Variants in CACNA1E observed in about 807,000 individuals in gnomAD.
CACNA1E encodes calcium voltage-gated channel subunit alpha1 E, also known as voltage-dependent R-type calcium channel subunit alpha-1E.
CACNA1E carries 40 observed loss-of-function variants against 259.2 expected under a neutral mutation model. The observed-to-expected ratio is 0.15, with a 90% CI of 0.12 to 0.20. The LOEUF is 0.20. Among genes scored for constraint, CACNA1E ranks in the 10% least tolerant of loss-of-function variants. The pLI is 1.00. For synonymous variants in CACNA1E, 1,104 were observed against 1,138.5 expected (o/e 0.97, Z 0.61); for missense variants, 1,874 against 3,040.1 (o/e 0.62, Z 9.02).
At chr1:181,329,433 G>T (rs901809767) in intron 1 of CACNA1E, among the ~76,000 whole-genome samples, 12 of 151,990 alleles carry the variant, frequency 7.9e-5, no homozygotes, top group Admixed American at 7.2e-4. Flanking sequence ...TCTGTGCCCT[G>T]CATGCTCCAG....
chr1:181,529,552 T>C (rs1156660603), intron 3 of CACNA1E, among the ~76,000 whole-genome samples: 3 of 152,152 alleles, frequency 2.0e-5, no homozygotes, highest in African/African-American at 4.8e-5. Context: ...CACCAGCCCA[T>C]GAAAGCAGCC....
intron 3 of CACNA1E, among the ~76,000 whole-genome samples, chr1:181,518,882 T>C (rs1051223753): frequency 5.3e-5 from 8 of 152,216 alleles, no homozygotes; most frequent in African/African-American, 1.7e-4. Flanking sequence ...TTGGCTTTGA[T>C]ATCACCAAAG....
At chr1:181,571,538 G>A (rs980295936) in intron 3 of CACNA1E, among the ~76,000 whole-genome samples, 12 of 152,180 alleles carry the variant, frequency 7.9e-5, no homozygotes, top group African/African-American at 2.9e-4. Flanking sequence ...GCTTTTGAAT[G>A]GACACAGCAA....
intron 2 of CACNA1E, among the ~76,000 whole-genome samples, chr1:181,420,601 A>G (rs1444937291): frequency 1.3e-5 from 2 of 152,242 alleles, no homozygotes; most frequent in African/African-American, 4.8e-5. Context: ...AGGTGGTACT[A>G]GGTCAAAAAC....
chr1:181,793,520 AC>A (rs1661511580), intron 44 of CACNA1E, 144 bp from the exon 45 acceptor site: 1 of 805,628 alleles, frequency 1.2e-6, no homozygotes, highest in Non-Finnish European at 1.9e-6. Flanking sequence ...ATAAACACAC[AC>A]ACACATATAC....
At chr1:181,600,912 G>C (rs1653676288) in intron 6 of CACNA1E, among the ~76,000 whole-genome samples, 1 of 152,116 alleles carries the variant, frequency 6.6e-6, no homozygotes, top group Non-Finnish European at 1.5e-5. Context: ...CAGAGAAGAG[G>C]ACCAACGACT....
At chr1:181,375,735 T>G (rs1175967128) in intron 1 of CACNA1E, among the ~76,000 whole-genome samples, 2 of 152,152 alleles carry the variant, frequency 1.3e-5, no homozygotes, top group East Asian at 3.9e-4. Flanking sequence ...GGAGCCCCCC[T>G]TCCCCTCCTC....
Position 181,580,740 on chromosome 1 carries a change from C to T in CACNA1E, c.915C>T (p.Cys305=). 6.2e-7 allele frequency: 1 copy of T among 1,614,006 alleles called. No homozygotes were observed. The highest frequency in any genetic ancestry group is 2.2e-5 in the East Asian group (1 of 44,886). The stretch of plus-strand genomic sequence containing the variant: ...TTGCTGTGCTGACTGTCTTCCAGTG[C>T]ATCACCATGGAAGGGTGGACCACTG... The part of the protein sequence containing the change: ...ILFAVLTVFQ[C]ITMEGWTTVL... Residue 305 remains cysteine, a synonymous_variant, in exon 6 of 48, where the codon TGC becomes TGT. Transcript: ENST00000367573.
intron 47 of CACNA1E, among the ~76,000 whole-genome samples, 170 bp downstream of exon 47, chr1:181,797,028 G>A (rs534828398): frequency 6.6e-6 from 1 of 152,350 alleles, no homozygotes; most frequent in African/African-American, 2.4e-5. Flanking sequence ...CAATGCTTGT[G>A]TACTCAGAGA....
In CACNA1E at chr1:181,686,920, AAGAC is replaced by A. The variant is rs549452831; in HGVS notation, c.1056-24031_1056-24028del. On this transcript the variant is annotated intron_variant, in intron 7 of 47. Coordinates refer to ENST00000367573, the MANE Select transcript of CACNA1E (RefSeq NM_001205293.3). ...TTGGATTTTTCTGTAGCTCACCTCA[AAGAC>A]AGGCAGAGATCCTGGGTGACATGTG... Among the ~76,000 whole-genome samples, 34 of 152,334 alleles carry A rather than the reference AAGAC, an allele frequency of 2.2e-4. No homozygotes were observed. In the East Asian group the frequency reaches 6.0e-3, roughly 27 times the overall value.
intron 3 of CACNA1E, among the ~76,000 whole-genome samples, chr1:181,552,530 A>C (rs970355498): frequency 2.0e-5 from 3 of 149,190 alleles, no homozygotes; most frequent in Non-Finnish European, 3.0e-5. Context: ...GTTCCATTCC[A>C]TTGTATGGAT....
chr1:181,682,846 A>C (rs1650117373), intron 7 of CACNA1E, among the ~76,000 whole-genome samples: 1 of 152,224 alleles, frequency 6.6e-6, no homozygotes, highest in Non-Finnish European at 1.5e-5. Context: ...ATGCTGCTAA[A>C]TCATTCATGA....
At chr1:181,750,550 G>T (rs1657504348) in intron 26 of CACNA1E, 63 bp downstream of exon 26, 2 of 1,502,074 alleles carry the variant, frequency 1.3e-6, no homozygotes, top group African/African-American at 2.8e-5. Flanking sequence ...GAGCGAGAAA[G>T]TATGGTTGGG....
At chr1:181,544,661 C>G (rs1328317520) in intron 3 of CACNA1E, among the ~76,000 whole-genome samples, 1 of 152,134 alleles carries the variant, frequency 6.6e-6, no homozygotes, top group Non-Finnish European at 1.5e-5. Context: ...CCCTTCTCCC[C>G]CTCCTTCATT....
At chr1:181,334,601 CCT>C (rs1210340300) in intron 1 of CACNA1E, among the ~76,000 whole-genome samples, 1 of 152,212 alleles carries the variant, frequency 6.6e-6, no homozygotes, top group East Asian at 1.9e-4. Flanking sequence ...ATTCTTGACA[CCT>C]CTCTTTCACT....
At chr1:181,600,810 C>G (rs373324844) in intron 6 of CACNA1E, among the ~76,000 whole-genome samples, 5 of 152,044 alleles carry the variant, frequency 3.3e-5, no homozygotes, top group African/African-American at 9.7e-5. Flanking sequence ...TGGGTCAGAG[C>G]AAGAGATATA....
intron 6 of CACNA1E, among the ~76,000 whole-genome samples, chr1:181,621,617 C>G (rs1655724756): frequency 6.6e-6 from 1 of 152,094 alleles, no homozygotes; most frequent in Non-Finnish European, 1.5e-5. Flanking sequence ...TAAGGGAGGA[C>G]AGAACATAGA....
At chr1:181,621,850 A>C (rs1006610659) in intron 6 of CACNA1E, among the ~76,000 whole-genome samples, 4 of 152,172 alleles carry the variant, frequency 2.6e-5, no homozygotes, top group Non-Finnish European at 5.9e-5. Context: ...TGCCAAGCTC[A>C]GTATCTCTAC....
intron 1 of CACNA1E, among the ~76,000 whole-genome samples, chr1:181,400,099 C>T (rs770022749): frequency 6.6e-6 from 1 of 152,072 alleles, no homozygotes; most frequent in Non-Finnish European, 1.5e-5. Flanking sequence ...CTCAGTGTTC[C>T]CCCCCACCAG....
Sources: gnomAD v4.1 joint callset for allele counts (sites outside exome capture counted in the v4.1 genomes callset) on GRCh38, gnomAD v4.1.1 for gene constraint, MANE v1.5 for transcripts, NCBI Gene and HGNC (gene_info 2026-07-23, HGNC 2026-07-21) for gene names.